Variants in NDFIP2 observed in about 807,000 individuals in gnomAD.
The protein encoded by NDFIP2 is NEDD4 family-interacting protein 2.
In NDFIP2, 19 loss-of-function variants were observed where a neutral mutation model predicts 36.0. That is an observed-to-expected ratio of 0.53 (90% CI 0.37 to 0.77). The LOEUF is 0.77. Ranked by LOEUF, NDFIP2 falls within the 30% of genes least tolerant of loss-of-function variation. The probability of loss-of-function intolerance (pLI) is 0.00; values close to 1 mark genes in which losing one functional copy is unlikely to be tolerated. For missense variants in NDFIP2, 446 were observed against 435.8 expected (o/e 1.02, Z -0.21); for synonymous variants, 181 against 167.7 (o/e 1.08, Z -0.61).
chr13:79,524,476 AT>A (rs1874712741), intron 2 of NDFIP2, among the ~76,000 whole-genome samples: 1 of 152,200 alleles, frequency 6.6e-6, no homozygotes, highest in Non-Finnish European at 1.5e-5. Context: ...ATGTGATTAA[AT>A]ACTAGGCAAG....
intron 1 of NDFIP2, among the ~76,000 whole-genome samples, chr13:79,520,186 C>T (rs1423533176): frequency 6.6e-6 from 1 of 152,184 alleles, no homozygotes; most frequent in Non-Finnish European, 1.5e-5. Context: ...TATTCCATTT[C>T]ATTAATTCAG....
At chr13:79,497,134 G>T (rs1032561149) in intron 1 of NDFIP2, among the ~76,000 whole-genome samples, 2 of 151,922 alleles carry the variant, frequency 1.3e-5, no homozygotes. Flanking sequence ...GGAGAATGTT[G>T]GTTGTTTTGT....
intron 1 of NDFIP2, among the ~76,000 whole-genome samples, chr13:79,504,155 A>G (rs1014737522): frequency 3.9e-5 from 6 of 152,154 alleles, no homozygotes; most frequent in Admixed American, 2.0e-4. Flanking sequence ...AAATTAATGT[A>G]TTTGTTTTTA....
At chr13:79,541,029 A>G (rs1393834921) in intron 4 of NDFIP2, among the ~76,000 whole-genome samples, 1 of 152,152 alleles carries the variant, frequency 6.6e-6, no homozygotes, top group Non-Finnish European at 1.5e-5. Context: ...GTAATCCTAT[A>G]TATTAATAAC....
chr13:79,490,562 T>G (rs138973522), intron 1 of NDFIP2, among the ~76,000 whole-genome samples: 4 of 152,128 alleles, frequency 2.6e-5, no homozygotes, highest in Admixed American at 6.5e-5. Context: ...AGATCTGCCA[T>G]TGTAGTGCAG....
chr13:79,539,803 G>T (rs771887046), intron 4 of NDFIP2, 28 bp downstream of exon 4: 2 of 1,597,622 alleles, frequency 1.3e-6, no homozygotes, highest in African/African-American at 2.7e-5. Context: ...ACTATTTTGG[G>T]TTGTTTTTAT....
At chr13:79,530,641 C>T (rs1792303744) in intron 2 of NDFIP2, among the ~76,000 whole-genome samples, 1 of 152,216 alleles carries the variant, frequency 6.6e-6, no homozygotes, top group South Asian at 2.1e-4. Context: ...ACGATGTTCA[C>T]AGCATCTTCA....
At position 79,481,345 on chromosome 13, in the gene NDFIP2, G is replaced by A. The variant is rs1419934402; in HGVS notation, c.142G>A (p.Glu48Lys). The change falls in exon 1 of 8, where the codon GAG becomes AAG. Residue 48 changes from glutamate (E) to lysine (K), a missense_variant. By Grantham distance (56) the Glu-to-Lys change is moderately conservative. Around this residue, in one of 2 missense-constraint regions of NDFIP2, gnomAD observed 369 missense variants for 304.8 expected, o/e 1.21. Coordinates refer to ENST00000218652, the MANE Select transcript of NDFIP2 (RefSeq NM_019080.3). ...CGCTGCGGGAGCCACAGGAAGTGAA[G>A]AGCTTCCGCCGGGAGACCGCGGCTG... Reference protein sequence around the residue: ...AAAAGATGSEELPPGDRGCRN... With the variant: ...AAAAGATGSEKLPPGDRGCRN... 9.0e-6 allele frequency: 14 copies of A among 1,549,134 alleles called. No homozygotes were observed. The highest frequency in any genetic ancestry group is 1.2e-5 in the Non-Finnish European group (14 of 1,147,632).
chr13:79,536,729 A>G (rs1006312949), intron 3 of NDFIP2, among the ~76,000 whole-genome samples: 2 of 152,154 alleles, frequency 1.3e-5, no homozygotes, highest in Non-Finnish European at 2.9e-5. Flanking sequence ...TAATATTATA[A>G]AAGACATCTT....
chr13:79,550,183 T>C (rs569067133), intron 6 of NDFIP2, among the ~76,000 whole-genome samples: 1 of 152,022 alleles, frequency 6.6e-6, no homozygotes, highest in South Asian at 2.1e-4. Flanking sequence ...AATCATATGC[T>C]TAAGTATTTC....
chr13:79,494,990 T>A (rs1873383418), intron 1 of NDFIP2, among the ~76,000 whole-genome samples: 1 of 151,906 alleles, frequency 6.6e-6, no homozygotes. Context: ...TGTTACTGAT[T>A]TCTGTTTTTA....
At chr13:79,501,576 A>G (rs1342377909) in intron 1 of NDFIP2, among the ~76,000 whole-genome samples, 1 of 152,124 alleles carries the variant, frequency 6.6e-6, no homozygotes, top group South Asian at 2.1e-4. Context: ...GTGTGTATAT[A>G]TGTGTTCGTC....
Position 79,553,594 on chromosome 13 carries a change from C to G in NDFIP2, c.*1081C>G, listed in dbSNP as rs1875988801. On this transcript the variant is annotated 3_prime_UTR_variant, in exon 8 of 8. Transcript: ENST00000218652. ...AAATAAAATCTTGTACTATGAATAG[C>G]TTCTTGCTTTATGACTTTAGGATTA... 6.6e-6 allele frequency: 1 copy of G among 151,710 alleles called. No homozygotes were observed. Among genetic ancestry groups the G allele is most frequent in the Non-Finnish European group, 1.5e-5 (1 of 67,478 alleles). 9.4% of individuals were successfully genotyped at this position (151,710 alleles called of 1,614,324 possible).
In NDFIP2 at chr13:79,481,215, G is replaced by T. The variant is rs1444299098; in HGVS notation, c.12G>T (p.Arg4=). 11 of 1,508,732 alleles carry T rather than the reference G, an allele frequency of 7.3e-6. No individual in the cohort carries two copies. The highest frequency in any genetic ancestry group is 9.7e-6 in the Non-Finnish European group (11 of 1,136,146). 93.5% of individuals were successfully genotyped at this position (1,508,732 alleles called of 1,614,324 possible). MAR[R]RSQRVCASGP... Reference sequence around the variant, plus strand: ...CACTGGCGGCGCGGATGGCACGCCGGCGGAGCCAGCGAGTCTGCGCGAGCG... The same window carrying T: ...CACTGGCGGCGCGGATGGCACGCCGTCGGAGCCAGCGAGTCTGCGCGAGCG... The change falls in exon 1 of 8, where the codon CGG becomes CGT. Residue 4 remains arginine, a synonymous_variant. Coordinates refer to ENST00000218652, the MANE Select transcript of NDFIP2 (RefSeq NM_019080.3).
chr13:79,509,663 G>A (rs1430565142), intron 1 of NDFIP2, among the ~76,000 whole-genome samples: 1 of 143,608 alleles, frequency 7.0e-6, no homozygotes. Flanking sequence ...GAACTAATAG[G>A]ATGTATATTA....
At position 79,554,924 on chromosome 13, in the gene NDFIP2, AC is replaced by A. The variant is rs1156323759; in HGVS notation, c.*2412del. On this transcript the variant is annotated 3_prime_UTR_variant, in exon 8 of 8. Transcript: ENST00000218652. ...CCATTTTCATGTATTTATGCAATAA[AC>A]TGAATTTTAAGGCAAAAACAACACT... 9 of 152,056 alleles carry A rather than the reference AC, an allele frequency of 5.9e-5. No individual in the cohort carries two copies. The South Asian group carries it at 1.9e-3, about 32-fold the overall frequency. The allele number at this position is 152,056 out of a possible 1,614,324, so 9.4% of individuals were successfully genotyped here. A position where few individuals can be genotyped will look rare whatever the true frequency, so the allele number is the denominator to read the frequency against.
intron 2 of NDFIP2, among the ~76,000 whole-genome samples, chr13:79,525,152 G>A (rs1387123302): frequency 6.6e-6 from 1 of 152,302 alleles, no homozygotes; most frequent in East Asian, 1.9e-4. Flanking sequence ...CAGTGTCTCT[G>A]GTTTCAGGAG....
At chr13:79,492,912 T>C (rs1873298213) in intron 1 of NDFIP2, among the ~76,000 whole-genome samples, 1 of 152,228 alleles carries the variant, frequency 6.6e-6, no homozygotes, top group Non-Finnish European at 1.5e-5. Context: ...CTTCCAGGAC[T>C]AATTTCAATT....
chr13:79,521,051 T>G (rs1301597562), intron 2 of NDFIP2, 76 bp downstream of exon 2: 1 of 1,263,972 alleles, frequency 7.9e-7, no homozygotes, highest in African/African-American at 1.5e-5. Flanking sequence ...TTATCATGTC[T>G]GTTAATGGGC....
Sources: gnomAD v4.1 joint callset for allele counts (sites outside exome capture counted in the v4.1 genomes callset) on GRCh38, gnomAD v4.1.1 for gene constraint, gnomAD v4.1.1 regional missense constraint, MANE v1.5 for transcripts, NCBI Gene and HGNC (gene_info 2026-07-23, HGNC 2026-07-21) for gene names.